Variants in JAG2 observed in about 807,000 individuals in gnomAD.
JAG2 encodes the protein protein jagged-2.
In JAG2, 46 loss-of-function variants were observed where a neutral mutation model predicts 141.7. The ratio of observed to expected loss-of-function variants is 0.32; its 90% CI spans 0.26 to 0.42. The LOEUF is 0.42. Among genes scored for constraint, JAG2 ranks in the 10% least tolerant of loss-of-function variants. The probability of loss-of-function intolerance (pLI) is 1.00; values close to 1 mark genes in which losing one functional copy is unlikely to be tolerated. For synonymous variants in JAG2, 862 were observed against 763.5 expected (o/e 1.13, Z -2.13); for missense variants, 1,500 against 1,817.5 (o/e 0.83, Z 3.18).
intron 2 of JAG2, among the ~76,000 whole-genome samples, chr14:105,159,739 CA>C (rs1888680738): frequency 1.5e-5 from 1 of 66,194 alleles, no homozygotes; most frequent in Non-Finnish European, 3.0e-5. Flanking sequence ...GCTCCATCCA[CA>C]CCCCCCCAGG....
Position 105,148,108 on chromosome 14 carries a change from C to A in JAG2, c.2248+8G>T. 3 of 1,540,870 alleles carry A rather than the reference C, an allele frequency of 1.9e-6. No homozygotes were observed. Among genetic ancestry groups the A allele is most frequent in the Non-Finnish European group, 1.8e-6 (2 of 1,140,154 alleles). The stretch of plus-strand genomic sequence containing the variant: ...CCGGCGGTCGCAGAGGCAGCGGGGG[C>A]TCCTCACCGACGGCGCAGGTGCTGC... On this transcript the variant is annotated splice_region_variant and intron_variant, in intron 17 of 25. Transcript: ENST00000331782.
intron 2 of JAG2, among the ~76,000 whole-genome samples, chr14:105,159,055 G>A (rs945351424): frequency 2.0e-5 from 3 of 151,894 alleles, no homozygotes; most frequent in East Asian, 1.9e-4. Flanking sequence ...TCAGAAGACT[G>A]CACTCCCACG....
In JAG2 at chr14:105,145,875, G is replaced by T. The variant is rs1459572524; in HGVS notation, c.2808C>A (p.Gly936=). 6 of 1,560,400 alleles carry T rather than the reference G, an allele frequency of 3.8e-6. No individual in the cohort carries two copies. Among genetic ancestry groups the T allele is most frequent in the Admixed American group, 3.8e-5 (2 of 52,348 alleles). ...CCTCACAGGGTGGTCGCAGACACTG[G>T]CCTGGGGCCTTCTCCAGGCACCTTT... is the stretch of plus-strand genomic sequence containing the variant. The part of the protein sequence containing the change: ...LGQRCLEKAP[G]QCLRPPCEAW... The change falls in exon 23 of 26, where the codon GGC becomes GGA. Residue 936 remains glycine, a synonymous_variant. Coordinates refer to ENST00000331782, the MANE Select transcript of JAG2 (RefSeq NM_002226.5).
intron 23 of JAG2, 34 bp from the exon 24 acceptor site, chr14:105,145,095 G>A: frequency 6.2e-7 from 1 of 1,606,962 alleles, no homozygotes. Context: ...GGGCAGGGCA[G>A]GGCCGTGAAC....
Position 105,167,410 on chromosome 14 carries a change from T to C in JAG2, c.417+347A>G, listed in dbSNP as rs1484652777. On this transcript the variant is annotated intron_variant, in intron 2 of 25. Transcript: ENST00000331782. This position sits in a 1 kb window ranked among gnomAD's most constrained non-coding sequence, Gnocchi z 4.8. The stretch of plus-strand genomic sequence containing the variant: ...CCAGCCCCAGCACGCGCTGCGCACA[T>C]GCCACCGCGGCCTGCCCGGGACCGG... Among the ~76,000 whole-genome samples, 1 of 151,942 alleles carries C rather than the reference T, an allele frequency of 6.6e-6. No homozygotes were observed. Among genetic ancestry groups the C allele is most frequent in the East Asian group, 2.0e-4 (1 of 5,114 alleles).
In JAG2 at chr14:105,149,317, C is replaced by A; in HGVS notation, c.1606G>T (p.Asp536Tyr). 1 of 1,612,604 alleles carries A rather than the reference C, an allele frequency of 6.2e-7. No individual in the cohort carries two copies. Among genetic ancestry groups the A allele is most frequent in the Non-Finnish European group, 8.5e-7 (1 of 1,179,962 alleles). ...GGGCTTGGCTCACAAAGGTCGACAT[C>A]CACCTGCAGGGTGGGGGGTGCCTGT... The part of the protein sequence containing the change: ...QGFSGPLCEV[D>Y]VDLCEPSPCR... Residue 536 changes from aspartate to tyrosine, a missense_variant, in exon 13 of 26, where the codon GAT becomes TAT. Transcript: ENST00000331782.
intron 16 of JAG2, 46 bp downstream of exon 16, chr14:105,148,280 G>C: frequency 6.3e-7 from 1 of 1,586,524 alleles, no homozygotes; most frequent in Non-Finnish European, 8.6e-7. Context: ...GCCAGGGCCA[G>C]GGTCCTGGGG....
At chr14:105,155,370 A>G (rs969920544) in intron 5 of JAG2, among the ~76,000 whole-genome samples, 192 bp downstream of exon 5, 5 of 152,018 alleles carry the variant, frequency 3.3e-5, no homozygotes, top group Admixed American at 2.6e-4. Flanking sequence ...GGCTGCCGCC[A>G]TCAGACACAT....
At chr14:105,155,528 T>C (rs770586069) in intron 5 of JAG2, 34 bp downstream of exon 5, 1 of 1,611,266 alleles carries the variant, frequency 6.2e-7, no homozygotes, top group African/African-American at 1.3e-5. Context: ...GGGCAAAGGT[T>C]GGGAGGGCAA....
chr14:105,162,823 C>T (rs1888796396), intron 2 of JAG2, among the ~76,000 whole-genome samples: 1 of 151,538 alleles, frequency 6.6e-6, no homozygotes, highest in Non-Finnish European at 1.5e-5. Context: ...TCCAGGGCAC[C>T]CCCAGCCCAG....
Position 105,168,345 on chromosome 14 carries a change from C to A in JAG2, c.66+10G>T. 1.1e-6 allele frequency: 1 copy of A among 939,014 alleles called. No individual in the cohort carries two copies. 58.2% of individuals were successfully genotyped at this position (939,014 alleles called of 1,614,324 possible). A position where few individuals can be genotyped will look rare whatever the true frequency, so the allele number is the denominator to read the frequency against. Reference sequence around the variant, plus strand: ...TCCGCGACCCCCGCCGCCCCCGCCGCCCCGCTCACCTGCACCCAGAGCGCC... The same window carrying A: ...TCCGCGACCCCCGCCGCCCCCGCCGACCCGCTCACCTGCACCCAGAGCGCC... On this transcript the variant is annotated intron_variant, in intron 1 of 25. Transcript: ENST00000331782.
chr14:105,145,218 C>T (rs1419493492), intron 23 of JAG2, among the ~76,000 whole-genome samples, 157 bp from the exon 24 acceptor site: 2 of 152,190 alleles, frequency 1.3e-5, no homozygotes, highest in Non-Finnish European at 2.9e-5. Context: ...GCTTCCCACC[C>T]GGCTGTGCCC....
intron 5 of JAG2, 94 bp from the exon 6 acceptor site, chr14:105,152,385 G>A: frequency 6.8e-7 from 1 of 1,464,030 alleles, no homozygotes; most frequent in Non-Finnish European, 9.3e-7. Flanking sequence ...CCACACCCAG[G>A]GCCGGCGGGC....
chr14:105,164,562 G>C (rs587739781), intron 2 of JAG2, among the ~76,000 whole-genome samples: 1 of 152,346 alleles, frequency 6.6e-6, no homozygotes, highest in Non-Finnish European at 1.5e-5. Context: ...AAAACAGGAA[G>C]CAGAGTGGTG....
At position 105,145,747 on chromosome 14, in the gene JAG2, C is replaced by G; in HGVS notation, c.2936G>C (p.Arg979Pro). 6.3e-7 allele frequency: 1 copy of G among 1,596,522 alleles called. No homozygotes were observed. The highest frequency in any genetic ancestry group is 8.5e-7 in the Non-Finnish European group (1 of 1,172,214). Residue 979 changes from arginine to proline, a missense_variant, in exon 23 of 26, where the codon CGT becomes CCT. By Grantham distance (103) the Arg-to-Pro change is moderately radical. Coordinates refer to ENST00000331782, the MANE Select transcript of JAG2 (RefSeq NM_002226.5). The part of the protein sequence containing the change: ...NCARLTLHFN[R>P]DHVPQGTTVG... ...GCCCCTCACCTGGGGCACGTGGTCA[C>G]GGTTGAAATGCAAGGTGAGGCGGGC...
In JAG2 at chr14:105,154,947, C is replaced by T. The variant is rs1888535864; in HGVS notation, c.788+615G>A. Among the ~76,000 whole-genome samples, 1 of 151,042 alleles carries T rather than the reference C, an allele frequency of 6.6e-6. No homozygotes were observed. The highest frequency in any genetic ancestry group is 2.4e-5 in the African/African-American group (1 of 41,034). On this transcript the variant is annotated intron_variant, in intron 5 of 25. Coordinates refer to ENST00000331782, the MANE Select transcript of JAG2 (RefSeq NM_002226.5). The surrounding 1 kb of genome is among the most constrained non-coding windows in gnomAD (Gnocchi z 4.4). ...GCTCCACCCCAGGATGTCTGCAGGA[C>T]CCGTGCGCCTCTCCCCCTTCCACTG...
At position 105,143,534 on chromosome 14, in the gene JAG2, CAGG is replaced by C. The variant is rs767325116; in HGVS notation, c.3186_3188del (p.Leu1063del). On this transcript the variant is annotated inframe_deletion, in exon 25 of 26. Coordinates refer to ENST00000331782, the MANE Select transcript of JAG2 (RefSeq NM_002226.5). ...TCTCCACCTTGACCTCGGTGACAGC[CAGG>C]AGCAGTGAGCTGTTCCCCCGCTGGG... The C allele has an allele frequency of 6.3e-7, 1 of 1,589,476 alleles. No individual in the cohort carries two copies. The highest frequency in any genetic ancestry group is 8.5e-7 in the Non-Finnish European group (1 of 1,170,786).
chr14:105,143,059 A>G lies in JAG2; in HGVS notation c.3353T>C (p.Leu1118Pro). The change falls in exon 26 of 26, where the codon CTG (leucine) becomes CCG (proline). Residue 1118 changes from leucine (L) to proline (P), a missense_variant. By Grantham distance (98) the Leu-to-Pro change is moderately conservative (BLOSUM62 -3). This residue lies in a region of JAG2 where 425 missense variants were observed against 441.0 expected (regional missense o/e 0.96). Coordinates refer to ENST00000331782, the MANE Select transcript of JAG2 (RefSeq NM_002226.5). ...KRRKERERSR[L>P]PREESANNQW... ...GTTGTTGGCGCTCTCCTCCCGCGGCAGCCGGCTCCTCTCCCGCTCTTTCCT... is the reference window on the plus strand; with the variant it reads ...GTTGTTGGCGCTCTCCTCCCGCGGCGGCCGGCTCCTCTCCCGCTCTTTCCT... 6.2e-7 allele frequency: 1 copy of G among 1,602,356 alleles called. No homozygotes were observed. Among genetic ancestry groups the G allele is most frequent in the Non-Finnish European group, 8.5e-7 (1 of 1,179,600 alleles).
intron 16 of JAG2, 42 bp downstream of exon 16, chr14:105,148,284 C>G (rs1328817174): frequency 6.3e-7 from 1 of 1,591,046 alleles, no homozygotes. Context: ...GGGCCAGGGT[C>G]CTGGGGGCAG....
Sources: allele counts gnomAD v4.1 joint callset (sites outside exome capture counted in the v4.1 genomes callset), GRCh38; gene constraint gnomAD v4.1.1; regional missense constraint gnomAD v4.1.1; non-coding constraint Gnocchi (gnomAD v3.1); transcripts MANE v1.5; gene names NCBI Gene and HGNC (gene_info 2026-07-23, HGNC 2026-07-21).